The following ALDH1A3 variants were observed in gnomAD, a reference collection of about 807,000 sequenced individuals.
ALDH1A3 encodes the protein aldehyde dehydrogenase 1 family member A3.
Under a neutral mutation model 57.5 loss-of-function variants are expected in ALDH1A3, and 28 were observed. The ratio of observed to expected loss-of-function variants is 0.49; its 90% CI spans 0.36 to 0.67. The LOEUF (loss-of-function observed/expected upper bound fraction) is 0.67. Ranked by LOEUF, ALDH1A3 falls within the 30% of genes least tolerant of loss-of-function variation. The pLI is 0.00. For synonymous variants in ALDH1A3, 281 were observed against 264.8 expected (o/e 1.06, Z -0.59); for missense variants, 507 against 669.4 (o/e 0.76, Z 2.68).
intron 12 of ALDH1A3, chr15:100,913,406 C>T (rs1398029784): frequency 6.6e-6 from 1 of 152,232 alleles, no homozygotes; most frequent in Non-Finnish European, 1.5e-5. Flanking sequence ...TTTCCATCCT[C>T]TAGAGGCTGC....
chr15:100,900,941 G>T (rs570413709), intron 9 of ALDH1A3, among the ~76,000 whole-genome samples, 182 bp downstream of exon 9: 1 of 152,188 alleles, frequency 6.6e-6, no homozygotes, highest in Non-Finnish European at 1.5e-5. Flanking sequence ...GGGGGCTCAC[G>T]AAAGGGGGCA....
At position 100,879,854 on chromosome 15, in the gene ALDH1A3, C is replaced by T. The variant is rs962171073; in HGVS notation, c.-54C>T. 6.3e-6 allele frequency: 8 copies of T among 1,276,316 alleles called. No individual in the cohort carries two copies. The highest frequency in any genetic ancestry group is 8.0e-6 in the Non-Finnish European group (8 of 994,166). 79.1% of individuals were successfully genotyped at this position (1,276,316 alleles called of 1,614,324 possible). On this transcript the variant is annotated 5_prime_UTR_variant, in exon 1 of 13. Coordinates refer to ENST00000329841, the MANE Select transcript of ALDH1A3 (RefSeq NM_000693.4). ...GGAGCGGGCTGCGCAGTGTCCGGGC[C>T]GAGCCGGTGCGCCGCAGACTAGGGC...
chr15:100,895,826 G>A lies in ALDH1A3; in HGVS notation c.667-107G>A, dbSNP rs575109207. On this transcript the variant is annotated intron_variant, in intron 6 of 12. Coordinates refer to ENST00000329841, the MANE Select transcript of ALDH1A3 (RefSeq NM_000693.4). ...GTCCTGGGTAAATCCAGCCCGGCCC[G>A]GGTTCCCTGTGGGGATGTGAGGCAG... 783 of 976,088 alleles carry A rather than the reference G, an allele frequency of 8.0e-4. 5 individuals carry two copies. In the African/African-American group the frequency reaches 9.1e-3, roughly 11 times the overall value. The allele number at this position is 976,088 out of a possible 1,614,324, so 60.5% of individuals were successfully genotyped here. A position where few individuals can be genotyped will look rare whatever the true frequency, so the allele number is the denominator to read the frequency against.
chr15:100,903,433 C>A (rs1018588698), intron 9 of ALDH1A3, among the ~76,000 whole-genome samples: 1 of 152,166 alleles, frequency 6.6e-6, no homozygotes, highest in Non-Finnish European at 1.5e-5. Flanking sequence ...GATGAAGCCA[C>A]CAGAATTTCA....
intron 12 of ALDH1A3, among the ~76,000 whole-genome samples, chr15:100,910,220 T>G (rs936246859): frequency 6.6e-6 from 1 of 152,268 alleles, no homozygotes; most frequent in Non-Finnish European, 1.5e-5. Flanking sequence ...TCCATTAGCC[T>G]TCCCCCTTAT....
At position 100,907,252 on chromosome 15, in the gene ALDH1A3, T is replaced by C. The variant is rs537488955; in HGVS notation, c.1365T>C (p.Ala455=). 3 of 1,614,144 alleles carry C rather than the reference T, an allele frequency of 1.9e-6. No homozygotes were observed. In the African/African-American group the frequency reaches 4.0e-5, roughly 22 times the overall value. The part of the protein sequence containing the change: ...TKNLDKALKL[A]SALESGTVWI... ...ATCTCGACAAAGCCCTGAAGTTGGC[T>C]TCTGCCTTAGAGTCTGGAACGGTCT... Residue 455 remains alanine (A), a synonymous_variant, in exon 11 of 13, where the codon GCT becomes GCC. Transcript: ENST00000329841.
At position 100,879,994 on chromosome 15, in the gene ALDH1A3, C is replaced by A; in HGVS notation, c.87C>A (p.Val29=). ...CGCGCCCCATCCGCAACCTGGAGGTCAAGTTCACCAAGGTGAGGCGGGCGC... is the reference window on the plus strand; with the variant it reads ...CGCGCCCCATCCGCAACCTGGAGGTAAAGTTCACCAAGGTGAGGCGGGCGC... The part of the protein sequence containing the change: ...ALPRPIRNLE[V]KFTKIFINNE... Residue 29 remains valine, a synonymous_variant, in exon 1 of 13, where the codon GTC becomes GTA. Coordinates refer to ENST00000329841, the MANE Select transcript of ALDH1A3 (RefSeq NM_000693.4). The A allele has an allele frequency of 3.4e-6, 5 of 1,468,814 alleles. No homozygotes were observed. The highest frequency in any genetic ancestry group is 4.5e-6 in the Non-Finnish European group (5 of 1,107,256). The allele number at this position is 1,468,814 out of a possible 1,614,324, so 91.0% of individuals were successfully genotyped here. A position where few individuals can be genotyped will look rare whatever the true frequency, so the allele number is the denominator to read the frequency against.
chr15:100,884,564 G>GTTTT (rs1453320699), intron 1 of ALDH1A3, among the ~76,000 whole-genome samples: 2 of 121,046 alleles, frequency 1.7e-5, no homozygotes, highest in Non-Finnish European at 3.4e-5. Context: ...GGTTTTTCTG[G>GTTTT]GTTTTTTTTT....
Position 100,879,933 on chromosome 15 carries a change from A to T in ALDH1A3, c.26A>T (p.Glu9Val), listed in dbSNP as rs946141965. ...ATGGCCACCGCTAACGGGGCCGTGG[A>T]AAACGGGCAGCCGGACAGGAAGCCG... MATANGAV[E>V]NGQPDRKPPA... The change falls in exon 1 of 13, where the codon GAA becomes GTA. Residue 9 changes from glutamate to valine, a missense_variant. Coordinates refer to ENST00000329841, the MANE Select transcript of ALDH1A3 (RefSeq NM_000693.4). The T allele has an allele frequency of 9.9e-5, 146 of 1,467,676 alleles. No homozygotes were observed. The highest frequency in any genetic ancestry group is 1.3e-4 in the Non-Finnish European group (144 of 1,108,236). The allele number at this position is 1,467,676 out of a possible 1,614,324, so 90.9% of individuals were successfully genotyped here.
Position 100,894,512 on chromosome 15 carries a change from G to A in ALDH1A3, c.666+430G>A. On this transcript the variant is annotated intron_variant, in intron 6 of 12. Transcript: ENST00000329841. The surrounding 1 kb of genome is among the most constrained non-coding windows in gnomAD (Gnocchi z 4.5). ...GCAGCAGTCCGTGTGCCGGGTCCCT[G>A]CTAATCAGTGCCCTCTGCTCTGAAT... 1 of 186,200 alleles carries A rather than the reference G, an allele frequency of 5.4e-6. No homozygotes were observed. The allele number at this position is 186,200 out of a possible 1,614,324, so 11.5% of individuals were successfully genotyped here.
At chr15:100,911,541 TG>T (rs1458130259) in intron 12 of ALDH1A3, among the ~76,000 whole-genome samples, 1 of 152,264 alleles carries the variant, frequency 6.6e-6, no homozygotes, top group African/African-American at 2.4e-5. Flanking sequence ...AAATACTTCT[TG>T]AGCATCTTTG....
At chr15:100,880,045 C>T (rs2141541789) in intron 1 of ALDH1A3, 39 bp downstream of exon 1, 1 of 1,397,728 alleles carries the variant, frequency 7.2e-7, no homozygotes, top group Non-Finnish European at 9.4e-7. Flanking sequence ...GCCGCGGGCC[C>T]CTGCGCTGGG....
At chr15:100,899,589 C>G (rs1019480372) in intron 8 of ALDH1A3, among the ~76,000 whole-genome samples, 1 of 152,148 alleles carries the variant, frequency 6.6e-6, no homozygotes, top group Non-Finnish European at 1.5e-5. Flanking sequence ...TTCCCCTGCC[C>G]CTTCGCCTCA....
At chr15:100,905,981 A>G (rs1203762010) in intron 10 of ALDH1A3, among the ~76,000 whole-genome samples, 1 of 151,888 alleles carries the variant, frequency 6.6e-6, no homozygotes, top group Non-Finnish European at 1.5e-5. Context: ...GCCCTCTCTG[A>G]TTTTCTAACA....
chr15:100,893,149 C>A lies in ALDH1A3; in HGVS notation c.537+143C>A. The A allele has an allele frequency of 1.5e-6, 1 of 685,494 alleles. No homozygotes were observed. The highest frequency in any genetic ancestry group is 2.4e-6 in the Non-Finnish European group (1 of 420,296). The allele number at this position is 685,494 out of a possible 1,614,324, so 42.5% of individuals were successfully genotyped here. A position where few individuals can be genotyped will look rare whatever the true frequency, so the allele number is the denominator to read the frequency against. ...TTTCTTCGTGGCATGGAACTCCATG[C>A]TTGGGGGCTCTTGAGATGGATTAGA... is the stretch of plus-strand genomic sequence containing the variant. On this transcript the variant is annotated intron_variant, in intron 5 of 12. Coordinates refer to ENST00000329841, the MANE Select transcript of ALDH1A3 (RefSeq NM_000693.4). The surrounding 1 kb of genome is among the most constrained non-coding windows in gnomAD (Gnocchi z 4.8).
In ALDH1A3 at chr15:100,900,672, C is replaced by T. The variant is rs140508229; in HGVS notation, c.981C>T (p.Tyr327=). The T allele has an allele frequency of 2.5e-6, 4 of 1,613,998 alleles. No individual in the cohort carries two copies. The highest frequency in any genetic ancestry group is 1.7e-5 in the Admixed American group (1 of 59,990). Reference sequence around the variant, plus strand: ...GGGTGTTCGTGGAGGAGCAGGTCTACTCTGAGTTTGTCAGGCGGAGCGTGG... The same window carrying T: ...GGGTGTTCGTGGAGGAGCAGGTCTATTCTGAGTTTGTCAGGCGGAGCGTGG... The part of the protein sequence containing the change: ...ASRVFVEEQV[Y]SEFVRRSVEY... Residue 327 remains tyrosine (Y), a synonymous_variant, in exon 9 of 13, where the codon TAC becomes TAT. Coordinates refer to ENST00000329841, the MANE Select transcript of ALDH1A3 (RefSeq NM_000693.4).
At chr15:100,882,957 T>C (rs1014271594) in intron 1 of ALDH1A3, among the ~76,000 whole-genome samples, 3 of 152,228 alleles carry the variant, frequency 2.0e-5, no homozygotes, top group Non-Finnish European at 4.4e-5. Context: ...ATTAAAAACA[T>C]AGTGATGGGA....
Position 100,894,185 on chromosome 15 carries a change from T to G in ALDH1A3, c.666+103T>G. 7.0e-7 allele frequency: 1 copy of G among 1,428,124 alleles called. No homozygotes were observed. Among genetic ancestry groups the G allele is most frequent in the African/African-American group, 1.4e-5 (1 of 70,588 alleles). 88.5% of individuals were successfully genotyped at this position (1,428,124 alleles called of 1,614,324 possible). ...TGGGACAGTGGCAGACTGCTGGCAA[T>G]CGAGTGGGAAGGGAATGACTTCCAG... On this transcript the variant is annotated intron_variant, in intron 6 of 12. Coordinates refer to ENST00000329841, the MANE Select transcript of ALDH1A3 (RefSeq NM_000693.4). The surrounding 1 kb of genome is among the most constrained non-coding windows in gnomAD (Gnocchi z 4.5).
At chr15:100,896,124 C>A in intron 7 of ALDH1A3, 78 bp downstream of exon 7, 4 of 1,124,200 alleles carry the variant, frequency 3.6e-6, no homozygotes, top group Non-Finnish European at 5.2e-6. Flanking sequence ...CTTTGACAGG[C>A]TTTAATATGA....
Sources: allele counts gnomAD v4.1 joint callset (sites outside exome capture counted in the v4.1 genomes callset), GRCh38; gene constraint gnomAD v4.1.1; non-coding constraint Gnocchi (gnomAD v3.1); transcripts MANE v1.5; gene names NCBI Gene and HGNC (gene_info 2026-07-23, HGNC 2026-07-21).